GINS1: variants seen among roughly 807,000 people sequenced by gnomAD.
GINS1 encodes DNA replication complex GINS protein PSF1.
A neutral mutation model predicts 34.9 loss-of-function variants in GINS1; 26 were observed. The ratio of observed to expected loss-of-function variants is 0.74; its 90% CI spans 0.55 to 1.03. The LOEUF (loss-of-function observed/expected upper bound fraction) is 1.03. Among genes scored for constraint, GINS1 ranks in the 50% least tolerant of loss-of-function variants. The pLI is 0.00. For synonymous variants in GINS1, 97 were observed against 84.4 expected, an observed-to-expected ratio of 1.15 and a Z score of -0.82; for missense variants, 235 against 237.9, an observed-to-expected ratio of 0.99 and a Z score of 0.08.
chr20:25,438,533 T>C (rs1478477962), intron 5 of GINS1, among the ~76,000 whole-genome samples: 1 of 148,792 alleles, frequency 6.7e-6, no homozygotes. Flanking sequence ...TTTTTTTTTT[T>C]TTTTTGAGGC....
intron 4 of GINS1, among the ~76,000 whole-genome samples, chr20:25,421,814 A>G (rs898905116): frequency 6.6e-6 from 1 of 151,902 alleles, no homozygotes; most frequent in African/African-American, 2.4e-5. Flanking sequence ...ACAGCTTCTG[A>G]TTTTTCTTCC....
At position 25,433,508 on chromosome 20, in the gene GINS1, T is replaced by C. The variant is rs192235263; in HGVS notation, c.447+8181T>C. On this transcript the variant is annotated intron_variant, in intron 5 of 6. Transcript: ENST00000262460. ...TACAATATAAATGCCATAGATATAG[T>C]TGTTATACCATATCATTTTTAGGGA... is the stretch of plus-strand genomic sequence containing the variant. Among the ~76,000 whole-genome samples the C allele has an allele frequency of 6.6e-5, 10 of 152,248 alleles. No homozygotes were observed. In the East Asian group the frequency reaches 1.5e-3, roughly 23 times the overall value.
chr20:25,438,683 C>T (rs1206110814), intron 5 of GINS1, among the ~76,000 whole-genome samples: 2 of 151,958 alleles, frequency 1.3e-5, no homozygotes, highest in Non-Finnish European at 2.9e-5. Flanking sequence ...AAGCCATCCT[C>T]CCACCTCAGC....
intron 5 of GINS1, among the ~76,000 whole-genome samples, chr20:25,427,515 A>G (rs945085394): frequency 1.3e-5 from 2 of 152,172 alleles, no homozygotes; most frequent in African/African-American, 4.8e-5. Flanking sequence ...GCCATCCTAA[A>G]GGATGTAAAA....
At chr20:25,408,343 T>C (rs1344493172) in intron 1 of GINS1, among the ~76,000 whole-genome samples, 3 of 152,154 alleles carry the variant, frequency 2.0e-5, no homozygotes, top group African/African-American at 7.2e-5. Context: ...ACAATAATAG[T>C]ACCCAACGCA....
intron 5 of GINS1, among the ~76,000 whole-genome samples, chr20:25,431,930 C>T (rs1182014375): frequency 4.6e-5 from 7 of 151,868 alleles, no homozygotes; most frequent in South Asian, 2.1e-4. Context: ...TGCAGTGGTG[C>T]GATCTCGGCT....
In GINS1 at chr20:25,407,711, G is replaced by C. The variant is rs573780748; in HGVS notation, c.-110G>C. Reference sequence around the variant, plus strand: ...GCGCGGAGCGGAGGCCGAGGCGAGAGCCTGGCGCTGTAGGACTAGAACGAA... The same window carrying C: ...GCGCGGAGCGGAGGCCGAGGCGAGACCCTGGCGCTGTAGGACTAGAACGAA... On this transcript the variant is annotated 5_prime_UTR_variant, in exon 1 of 7. Coordinates refer to ENST00000262460, the MANE Select transcript of GINS1 (RefSeq NM_021067.5). 2 of 850,632 alleles carry C rather than the reference G, an allele frequency of 2.4e-6. No homozygotes were observed. The highest frequency in any genetic ancestry group is 2.7e-5 in the East Asian group (1 of 37,440). The allele number at this position is 850,632 out of a possible 1,614,324, so 52.7% of individuals were successfully genotyped here. A position where few individuals can be genotyped will look rare whatever the true frequency, so the allele number is the denominator to read the frequency against.
intron 6 of GINS1, among the ~76,000 whole-genome samples, chr20:25,442,606 TA>T (rs1176016659): frequency 8.4e-4 from 92 of 109,572 alleles, no homozygotes; most frequent in Middle Eastern, 4.3e-3. Context: ...CTATTATTAT[TA>T]TTATTTTTTT....
chr20:25,435,327 C>T (rs921548306), intron 5 of GINS1, among the ~76,000 whole-genome samples: 3 of 152,066 alleles, frequency 2.0e-5, no homozygotes, highest in African/African-American at 7.2e-5. Context: ...GAGACAGGGT[C>T]TCACTGTGTC....
intron 1 of GINS1, among the ~76,000 whole-genome samples, chr20:25,412,839 G>A (rs2090294825): frequency 6.6e-6 from 1 of 152,026 alleles, no homozygotes; most frequent in Admixed American, 6.6e-5. Flanking sequence ...AAAGATTTCT[G>A]TAACTTTGCC....
At chr20:25,413,614 G>T (rs774030483) in intron 1 of GINS1, 176 bp from the exon 2 acceptor site, 1 of 586,480 alleles carries the variant, frequency 1.7e-6, no homozygotes, top group Non-Finnish European at 3.1e-6. Context: ...ATGTACGAGG[G>T]TTCCAGTTTC....
At chr20:25,437,697 C>CA (rs1294121665) in intron 5 of GINS1, among the ~76,000 whole-genome samples, 2 of 152,170 alleles carry the variant, frequency 1.3e-5, no homozygotes, top group Non-Finnish European at 2.9e-5. Context: ...AAAAGAATTA[C>CA]AAAGAGTTCT....
chr20:25,418,187 G>T lies in GINS1; in HGVS notation c.322G>T (p.Ala108Ser). ...LPNALRFHMA[A>S]EEMEWFNNYK... ...AAATGCATTACGATTTCACATGGCT[G>T]CTGAAGAAGTGAGTTAGCATTGTTC... is the stretch of plus-strand genomic sequence containing the variant. The change falls in exon 4 of 7, where the codon GCT becomes TCT. Residue 108 changes from alanine to serine, a missense_variant. Coordinates refer to ENST00000262460, the MANE Select transcript of GINS1 (RefSeq NM_021067.5). 1 of 1,549,940 alleles carries T rather than the reference G, an allele frequency of 6.5e-7. No individual in the cohort carries two copies. Among genetic ancestry groups the T allele is most frequent in the East Asian group, 2.2e-5 (1 of 44,700 alleles).
intron 5 of GINS1, among the ~76,000 whole-genome samples, chr20:25,425,786 A>G (rs1216135839): frequency 4.1e-4 from 62 of 152,206 alleles, no homozygotes; most frequent in Non-Finnish European, 1.3e-4. Flanking sequence ...ATTAGTCAAA[A>G]CAAGAGGTAT....
intron 3 of GINS1, among the ~76,000 whole-genome samples, chr20:25,417,660 A>G (rs1363540355): frequency 6.6e-6 from 1 of 152,166 alleles, no homozygotes; most frequent in Admixed American, 6.5e-5. Context: ...GTTCGAGACC[A>G]GCCTGGCCAA....
rs147062848 is a variant in GINS1 at position 25,424,168 on chromosome 20, T to C, written c.331-1043T>C. Among the ~76,000 whole-genome samples the C allele has an allele frequency of 1.4e-3, 213 of 152,332 alleles. 1 individual carries two copies. Among genetic ancestry groups the C allele is most frequent in the African/African-American group, 4.7e-3 (195 of 41,584 alleles). On this transcript the variant is annotated intron_variant, in intron 4 of 6. Coordinates refer to ENST00000262460, the MANE Select transcript of GINS1 (RefSeq NM_021067.5). ...GACTTTTTCTTCTGTTATGCTAGTC[T>C]ATCTGTTCTTATACCAATTCCACTG...
At position 25,422,251 on chromosome 20, in the gene GINS1, T is replaced by C. The variant is rs550316954; in HGVS notation, c.331-2960T>C. Among the ~76,000 whole-genome samples, 4 of 152,136 alleles carry C rather than the reference T, an allele frequency of 2.6e-5. No homozygotes were observed. The East Asian group carries it at 7.7e-4, about 29-fold the overall frequency. ...CAGTGATCACTACCCTCCTGACTTT[T>C]GTGCAGACTAATCACTTCCTTATTT... On this transcript the variant is annotated intron_variant, in intron 4 of 6. Transcript: ENST00000262460.
chr20:25,421,380 T>A (rs1194635244), intron 4 of GINS1, among the ~76,000 whole-genome samples: 1 of 152,160 alleles, frequency 6.6e-6, no homozygotes, highest in African/African-American at 2.4e-5. Flanking sequence ...AAACAGATGA[T>A]CATGTGTTAA....
chr20:25,431,739 T>G (rs1482956593), intron 5 of GINS1, among the ~76,000 whole-genome samples: 1 of 151,362 alleles, frequency 6.6e-6, no homozygotes, highest in African/African-American at 2.4e-5. Context: ...CCCGGCTAAT[T>G]TTTGTATTTT....
Sources: gnomAD v4.1 joint callset for allele counts (sites outside exome capture counted in the v4.1 genomes callset) on GRCh38, gnomAD v4.1.1 for gene constraint, MANE v1.5 for transcripts, NCBI Gene and HGNC (gene_info 2026-07-23, HGNC 2026-07-21) for gene names.